CUX1: variants seen among roughly 807,000 people sequenced by gnomAD.
CUX1 encodes cut like homeobox 1.
In CUX1, 31 loss-of-function variants were observed where a neutral mutation model predicts 158.8. The observed-to-expected ratio is 0.20, with a 90% CI of 0.15 to 0.26. CUX1 has a LOEUF of 0.26. CUX1 is among the 10% of genes least tolerant of loss of function. The pLI is 1.00. For missense variants in CUX1, 1,589 were observed against 2,014.6 expected, an observed-to-expected ratio of 0.79 and a Z score of 4.04; for synonymous variants, 879 against 862.1, an observed-to-expected ratio of 1.02 and a Z score of -0.34.
intron 14 of CUX1, among the ~76,000 whole-genome samples, chr7:102,271,136 G>A (rs913368706): frequency 6.6e-6 from 1 of 152,120 alleles, no homozygotes; most frequent in Non-Finnish European, 1.5e-5. Context: ...GCTCACTCTG[G>A]CCAGGCAAAA....
chr7:102,143,845 C>T (rs979591038), intron 8 of CUX1, among the ~76,000 whole-genome samples: 4 of 151,964 alleles, frequency 2.6e-5, no homozygotes, highest in African/African-American at 9.7e-5. Flanking sequence ...TGCCGTGGTG[C>T]GATCTCAGCT....
chr7:102,233,325 A>G (rs1270546362), intron 21 of CUX1, among the ~76,000 whole-genome samples: 5 of 151,746 alleles, frequency 3.3e-5, no homozygotes, highest in Non-Finnish European at 7.4e-5. Context: ...AGCTGGAACT[A>G]TAGGTACATG....
At chr7:101,877,483 T>C (rs1018193736) in intron 1 of CUX1, among the ~76,000 whole-genome samples, 10 of 152,182 alleles carry the variant, frequency 6.6e-5, no homozygotes, top group African/African-American at 2.4e-4. Context: ...GGTCAGGAGT[T>C]TGAGATCAGC....
intron 2 of CUX1, among the ~76,000 whole-genome samples, chr7:101,952,885 CTTGA>C (rs1463882583): frequency 1.3e-5 from 2 of 152,236 alleles, no homozygotes; most frequent in African/African-American, 4.8e-5. Flanking sequence ...CGGTCACTGA[CTTGA>C]TTGTCTGCCT....
At chr7:101,826,196 T>G (rs758230753) in intron 1 of CUX1, among the ~76,000 whole-genome samples, 1 of 148,400 alleles carries the variant, frequency 6.7e-6, no homozygotes, top group African/African-American at 2.6e-5. Context: ...AATTTTTTTG[T>G]TTTTTTTTGT....
chr7:101,894,501 G>A (rs2131674998), intron 1 of CUX1, among the ~76,000 whole-genome samples: 1 of 152,248 alleles, frequency 6.6e-6, no homozygotes, highest in Admixed American at 6.5e-5. Context: ...TAGTAGAGAT[G>A]GGATTTCGCC....
chr7:101,847,289 C>CA (rs1795802004), intron 1 of CUX1, among the ~76,000 whole-genome samples: 1 of 152,186 alleles, frequency 6.6e-6, no homozygotes, highest in Non-Finnish European at 1.5e-5. Context: ...GTGCTGGATT[C>CA]ATGATATATT....
rs190992372 is a variant in CUX1, at chr7:101,893,984, T to C, written c.31-22131T>C. On this transcript the variant is annotated intron_variant, in intron 1 of 23. Transcript: ENST00000292535. ...TGTGGATATTTAAAAGTTTTGGTAC[T>C]GTGTGAAATATATATTCAAGTTAGA... 1.3e-4 allele frequency among the ~76,000 whole-genome samples: 20 copies of C among 152,336 alleles called. 1 individual carries two copies. The East Asian group carries it at 2.7e-3, about 21-fold the overall frequency.
At chr7:102,207,921 C>T (rs1796117552) in intron 20 of CUX1, among the ~76,000 whole-genome samples, 1 of 152,106 alleles carries the variant, frequency 6.6e-6, no homozygotes, top group East Asian at 1.9e-4. Flanking sequence ...CACACAGAGG[C>T]TCACATCTGT....
At chr7:101,956,689 A>G (rs924247728) in intron 2 of CUX1, among the ~76,000 whole-genome samples, 5 of 152,208 alleles carry the variant, frequency 3.3e-5, no homozygotes, top group African/African-American at 9.6e-5. Context: ...GCTCACGCCT[A>G]TAATCCCAGC....
At chr7:101,960,096 A>G (rs1810290631) in intron 2 of CUX1, 1 of 152,048 alleles carries the variant, frequency 6.6e-6, no homozygotes, top group African/African-American at 2.4e-5. Context: ...TGCTTTTTTC[A>G]TCCTCGACCC....
At position 102,199,723 on chromosome 7, in the gene CUX1, A is replaced by G. The variant is rs1795199020; in HGVS notation, c.1961-348A>G. Among the ~76,000 whole-genome samples, 8 of 152,318 alleles carry G rather than the reference A, an allele frequency of 5.3e-5. No individual in the cohort carries two copies. In the South Asian group the frequency reaches 1.4e-3, roughly 28 times the overall value. ...CTAACCCCGAGGAGAGTCAGTCCCA[A>G]GCCACAGCAGTTGCTTCTAAGTGAC... is the stretch of plus-strand genomic sequence containing the variant. On this transcript the variant is annotated intron_variant, in intron 16 of 23. Coordinates refer to ENST00000292535, the MANE Select transcript of CUX1 (RefSeq NM_181552.4).
At chr7:101,840,387 A>C (rs960394885) in intron 1 of CUX1, among the ~76,000 whole-genome samples, 2 of 152,176 alleles carry the variant, frequency 1.3e-5, no homozygotes, top group African/African-American at 4.8e-5. Context: ...AACCAGGTGA[A>C]GGAACTACCT....
Position 101,817,750 on chromosome 7 carries a change from G to A in CUX1, c.30+81G>A, listed in dbSNP as rs1045272186. The A allele has an allele frequency of 1.5e-5, 22 of 1,514,314 alleles. No individual in the cohort carries two copies. Among genetic ancestry groups the A allele is most frequent in the Admixed American group, 6.0e-5 (3 of 50,116 alleles). The allele number at this position is 1,514,314 out of a possible 1,614,324, so 93.8% of individuals were successfully genotyped here. On this transcript the variant is annotated intron_variant, in intron 1 of 23. Coordinates refer to ENST00000292535, the MANE Select transcript of CUX1 (RefSeq NM_181552.4). This position sits in a 1 kb window ranked among gnomAD's most constrained non-coding sequence, Gnocchi z 4.1. ...ATGTCGGGGGGTGCCCGGGTCCCGC[G>A]GCTTAGAATGCTCTAGGGCGGCCTG... is the stretch of plus-strand genomic sequence containing the variant.
In CUX1 at chr7:101,975,536, A is replaced by G. The variant is rs114914924; in HGVS notation, c.142-52562A>G. ...TGTGTCATGTACTCCAACCTGGGTG[A>G]CAGAACGAGACCCCGTCTCTAAAAG... On this transcript the variant is annotated intron_variant, in intron 2 of 23. Coordinates refer to ENST00000292535, the MANE Select transcript of CUX1 (RefSeq NM_181552.4). 8.5e-3 allele frequency among the ~76,000 whole-genome samples: 1,295 copies of G among 152,154 alleles called. 24 individuals are homozygous for G. Among genetic ancestry groups the G allele is most frequent in the African/African-American group, 0.029 (1,219 of 41,496 alleles).
chr7:102,253,250 C>A lies in CUX1; in HGVS notation c.*4208C>A. 1 of 985,584 alleles carries A rather than the reference C, an allele frequency of 1.0e-6. No homozygotes were observed. The highest frequency in any genetic ancestry group is 1.2e-6 in the Non-Finnish European group (1 of 830,042). 61.1% of individuals were successfully genotyped at this position (985,584 alleles called of 1,614,324 possible). A position where few individuals can be genotyped will look rare whatever the true frequency, so the allele number is the denominator to read the frequency against. The stretch of plus-strand genomic sequence containing the variant: ...TTAAATATTCCTTTCTGGCCACCGC[C>A]CAAGCCCAGGTGGCCAGCTCTCATA... On this transcript the variant is annotated 3_prime_UTR_variant, in exon 24 of 24. Transcript: ENST00000292535.
chr7:101,899,709 C>T (rs1213257020), intron 1 of CUX1, among the ~76,000 whole-genome samples: 6 of 152,008 alleles, frequency 3.9e-5, no homozygotes, highest in East Asian at 3.9e-4. Flanking sequence ...GTCTAGAGTT[C>T]GAGAAAAACC....
At chr7:101,887,168 G>T (rs1378022325) in intron 1 of CUX1, among the ~76,000 whole-genome samples, 1 of 152,126 alleles carries the variant, frequency 6.6e-6, no homozygotes, top group Non-Finnish European at 1.5e-5. Flanking sequence ...TGGGGAGGGG[G>T]TCTCTAGGAG....
intron 18 of CUX1, 79 bp from the exon 19 acceptor site, chr7:102,204,312 G>A: frequency 6.4e-7 from 1 of 1,557,602 alleles, no homozygotes. Flanking sequence ...TCTGCGTGGT[G>A]GGTGTGCATT....
Sources: gnomAD v4.1 joint callset for allele counts (sites outside exome capture counted in the v4.1 genomes callset) on GRCh38, gnomAD v4.1.1 for gene constraint, Gnocchi (gnomAD v3.1) non-coding constraint, MANE v1.5 for transcripts, NCBI Gene and HGNC (gene_info 2026-07-23, HGNC 2026-07-21) for gene names.